LMBR1: variants seen among roughly 807,000 people sequenced by gnomAD.
The protein encoded by LMBR1 is limb development membrane protein 1.
Under a neutral mutation model 73.9 loss-of-function variants are expected in LMBR1, and 52 were observed. The observed-to-expected ratio is 0.70, with a 90% confidence interval of 0.56 to 0.89. The LOEUF (loss-of-function observed/expected upper bound fraction) is 0.89, where lower values mean the gene tolerates loss of function less well. LMBR1 is among the 40% of genes least tolerant of loss of function. The pLI is 0.00. For synonymous variants in LMBR1, 215 were observed against 209.4 expected (o/e 1.03, Z -0.23); for missense variants, 539 against 579.8 (o/e 0.93, Z 0.72).
chr7:156,870,298 G>A (rs1013873936), intron 1 of LMBR1, among the ~76,000 whole-genome samples: 1 of 152,158 alleles, frequency 6.6e-6, no homozygotes, highest in African/African-American at 2.4e-5. Context: ...CTCCAGGAGA[G>A]AACACAAGAT....
At chr7:156,738,345 G>A (rs938077224) in intron 9 of LMBR1, among the ~76,000 whole-genome samples, 26 of 152,196 alleles carry the variant, frequency 1.7e-4, no homozygotes, top group African/African-American at 6.3e-4. Flanking sequence ...GAGCTTCTCA[G>A]CAAGCCTCAC....
At chr7:156,715,611 A>C (rs1813040510) in intron 15 of LMBR1, among the ~76,000 whole-genome samples, 6 of 152,220 alleles carry the variant, frequency 3.9e-5, no homozygotes, top group Admixed American at 3.9e-4. Flanking sequence ...AAAAATGAAT[A>C]ATCTATACTC....
At chr7:156,736,462 A>C in intron 9 of LMBR1, 1 of 455,558 alleles carries the variant, frequency 2.2e-6, no homozygotes, top group South Asian at 1.6e-5. Flanking sequence ...AAGATGAAGC[A>C]TGCACATAGC....
intron 9 of LMBR1, among the ~76,000 whole-genome samples, chr7:156,745,952 C>T (rs1174516326): frequency 6.6e-6 from 1 of 152,106 alleles, no homozygotes; most frequent in East Asian, 1.9e-4. Flanking sequence ...CAGAAATATT[C>T]AGGTAATGTG....
chr7:156,806,494 G>A (rs1471097186), intron 4 of LMBR1, among the ~76,000 whole-genome samples: 1 of 150,242 alleles, frequency 6.7e-6, no homozygotes, highest in Non-Finnish European at 1.5e-5. Flanking sequence ...ATGTTACATA[G>A]AAGTGGTAAG....
chr7:156,772,145 A>T (rs1249521439), intron 5 of LMBR1, among the ~76,000 whole-genome samples: 1 of 152,030 alleles, frequency 6.6e-6, no homozygotes, highest in Non-Finnish European at 1.5e-5. Flanking sequence ...ATGGTAGCGC[A>T]AGCCTGTAAT....
intron 9 of LMBR1, 82 bp from the exon 10 acceptor site, chr7:156,734,339 A>T (rs1817453802): frequency 2.0e-5 from 16 of 798,674 alleles, no homozygotes; most frequent in Non-Finnish European, 2.7e-5. Flanking sequence ...AAAATCTAAA[A>T]TAACACATGG....
chr7:156,700,200 A>G (rs1046778817), intron 15 of LMBR1, among the ~76,000 whole-genome samples: 2 of 152,222 alleles, frequency 1.3e-5, no homozygotes, highest in Non-Finnish European at 2.9e-5. Context: ...ACACCATGGA[A>G]TACTATGCAG....
chr7:156,861,257 T>C (rs1260703759), intron 1 of LMBR1, among the ~76,000 whole-genome samples: 2 of 152,174 alleles, frequency 1.3e-5, no homozygotes, highest in South Asian at 2.1e-4. Flanking sequence ...CTAAACACCA[T>C]GTTGAAGCTG....
At chr7:156,836,518 G>A (rs1352838485) in intron 2 of LMBR1, among the ~76,000 whole-genome samples, 1 of 152,098 alleles carries the variant, frequency 6.6e-6, no homozygotes. Context: ...CGCTCACAAG[G>A]AACCAAATAT....
intron 1 of LMBR1, among the ~76,000 whole-genome samples, chr7:156,875,128 A>T (rs1799961163): frequency 6.6e-6 from 1 of 152,214 alleles, no homozygotes. Context: ...CAGGAAATAA[A>T]GGACACACTT....
chr7:156,891,209 AAAAT>A lies in LMBR1; in HGVS notation c.66+1715_66+1718del, dbSNP rs1476472058. 1.6e-3 allele frequency among the ~76,000 whole-genome samples: 144 copies of A among 89,326 alleles called. 2 individuals carry two copies. In the East Asian group the frequency reaches 0.018, roughly 11 times the overall value. 58.6% of individuals were successfully genotyped at this position (89,326 alleles called of 152,430 possible). A position where few individuals can be genotyped will look rare whatever the true frequency, so the allele number is the denominator to read the frequency against. ...CCATCACAAAAAAAAAAAAAAAAAAAAAATATATATATATATATATATATACACA... is the reference window on the plus strand; with the variant it reads ...CCATCACAAAAAAAAAAAAAAAAAAAATATATATATATATATATATACACA... On this transcript the variant is annotated intron_variant, in intron 1 of 16. Coordinates refer to ENST00000353442, the MANE Select transcript of LMBR1 (RefSeq NM_022458.4).
At chr7:156,700,859 A>G (rs913419623) in intron 15 of LMBR1, among the ~76,000 whole-genome samples, 9 of 152,204 alleles carry the variant, frequency 5.9e-5, no homozygotes, top group African/African-American at 2.2e-4. Context: ...CTGCTGCTAA[A>G]GACACACCCA....
At chr7:156,695,463 C>G (rs1808089356) in intron 15 of LMBR1, among the ~76,000 whole-genome samples, 1 of 152,114 alleles carries the variant, frequency 6.6e-6, no homozygotes, top group Non-Finnish European at 1.5e-5. Context: ...CTGGGGAGGT[C>G]TAAGGAAACT....
intron 4 of LMBR1, among the ~76,000 whole-genome samples, chr7:156,816,332 A>G (rs1473766073): frequency 1.3e-5 from 2 of 152,014 alleles, no homozygotes; most frequent in African/African-American, 4.8e-5. Context: ...CAGCCTCCCG[A>G]GCATCTGGGA....
intron 5 of LMBR1, among the ~76,000 whole-genome samples, chr7:156,767,629 T>C (rs148046667): frequency 3.9e-5 from 6 of 151,914 alleles, no homozygotes; most frequent in African/African-American, 1.4e-4. Context: ...GTAACAGTAA[T>C]AGTAACTAGT....
chr7:156,749,804 C>T (rs1820505179), intron 9 of LMBR1, among the ~76,000 whole-genome samples: 1 of 152,036 alleles, frequency 6.6e-6, no homozygotes, highest in Admixed American at 6.6e-5. Context: ...ATTCTCCTGC[C>T]CCAGCTTCCC....
intron 15 of LMBR1, among the ~76,000 whole-genome samples, chr7:156,695,435 C>T (rs1808081940): frequency 6.6e-6 from 1 of 152,164 alleles, no homozygotes; most frequent in African/African-American, 2.4e-5. Flanking sequence ...AAGCATGATA[C>T]TGGCATCTGC....
rs941194429 is a variant in LMBR1 at position 156,760,922 on chromosome 7, A to G, written c.684+1212T>C. Reference sequence around the variant, plus strand: ...TAGTGAGACAGAAACAAAAGGGAATATGAGAAATGCAAAGAAAGGACTTTA... The same window carrying G: ...TAGTGAGACAGAAACAAAAGGGAATGTGAGAAATGCAAAGAAAGGACTTTA... On this transcript the variant is annotated intron_variant, in intron 8 of 16. Transcript: ENST00000353442. 4.6e-5 allele frequency among the ~76,000 whole-genome samples: 7 copies of G among 152,232 alleles called. 1 individual carries two copies.
Sources: allele counts gnomAD v4.1 joint callset (sites outside exome capture counted in the v4.1 genomes callset), GRCh38; gene constraint gnomAD v4.1.1; transcripts MANE v1.5; gene names NCBI Gene and HGNC (gene_info 2026-07-23, HGNC 2026-07-21).